Variants in CDH13 observed in about 807,000 individuals in gnomAD.
CDH13 encodes the protein cadherin 13, also known as cadherin-13.
Under a neutral mutation model 63.8 loss-of-function variants are expected in CDH13, and 24 were observed. That is an observed-to-expected ratio of 0.38 (90% CI 0.27 to 0.53). The LOEUF (loss-of-function observed/expected upper bound fraction) is 0.53, where lower values mean the gene tolerates loss of function less well. CDH13 is among the 20% of genes least tolerant of loss of function. The pLI is 0.85. For missense variants in CDH13, 1,049 were observed against 903.1 expected (o/e 1.16, Z -2.07); for synonymous variants, 503 against 355.3 (o/e 1.42, Z -4.67).
At chr16:83,095,369 T>A (rs2034142033) in intron 3 of CDH13, among the ~76,000 whole-genome samples, 1 of 152,174 alleles carries the variant, frequency 6.6e-6, no homozygotes, top group Non-Finnish European at 1.5e-5. Context: ...AACAAAAAAC[T>A]TACTAAATGC....
At chr16:83,500,351 C>T (rs752217180) in intron 7 of CDH13, among the ~76,000 whole-genome samples, 83 of 540 alleles carry the variant, frequency 0.15, 40 homozygotes, top group East Asian at 1. Context: ...CCTCCTCCTC[C>T]TCCTTCTTCC....
intron 2 of CDH13, among the ~76,000 whole-genome samples, chr16:83,011,694 C>T (rs959371055): frequency 2.6e-5 from 4 of 152,268 alleles, no homozygotes; most frequent in South Asian, 2.1e-4. Context: ...ACCACCTTTC[C>T]GGCCCTTTCC....
chr16:82,992,281 C>T (rs867414744), intron 2 of CDH13, among the ~76,000 whole-genome samples: 1 of 152,134 alleles, frequency 6.6e-6, no homozygotes, highest in African/African-American at 2.4e-5. Context: ...ATCAGCAGCT[C>T]TCAAATTTTC....
chr16:83,517,760 G>C (rs949772450), intron 7 of CDH13, among the ~76,000 whole-genome samples: 1 of 152,186 alleles, frequency 6.6e-6, no homozygotes, highest in African/African-American at 2.4e-5. Flanking sequence ...TGTATAAGAA[G>C]ATGATTAGGA....
chr16:83,112,204 T>C (rs1488348298), intron 3 of CDH13, among the ~76,000 whole-genome samples: 2 of 152,384 alleles, frequency 1.3e-5, no homozygotes, highest in East Asian at 3.9e-4. Context: ...CATGCAACCA[T>C]TGTGTATTTG....
chr16:83,309,072 G>C (rs1023551179), intron 5 of CDH13, among the ~76,000 whole-genome samples: 8 of 152,102 alleles, frequency 5.3e-5, no homozygotes, highest in African/African-American at 1.9e-4. Context: ...ACTGTGGCTT[G>C]GTGCTTGTCC....
intron 6 of CDH13, among the ~76,000 whole-genome samples, chr16:83,423,175 G>A (rs923786390): frequency 1.3e-5 from 2 of 152,052 alleles, no homozygotes; most frequent in Non-Finnish European, 1.5e-5. Flanking sequence ...AATCTGTTTT[G>A]TTTTCTTTAT....
chr16:83,596,611 G>C (rs1375578533), intron 7 of CDH13, among the ~76,000 whole-genome samples: 5 of 152,142 alleles, frequency 3.3e-5, no homozygotes, highest in Non-Finnish European at 7.3e-5. Flanking sequence ...AAAAATACAT[G>C]TGTATATTTC....
intron 1 of CDH13, among the ~76,000 whole-genome samples, chr16:82,758,302 C>A (rs951282599): frequency 2.0e-5 from 3 of 152,138 alleles, no homozygotes; most frequent in African/African-American, 7.2e-5. Context: ...AGAAAACTTG[C>A]AACAGCTGGA....
chr16:83,465,657 C>T (rs183252552), intron 6 of CDH13, among the ~76,000 whole-genome samples: 1 of 152,320 alleles, frequency 6.6e-6, no homozygotes, highest in East Asian at 1.9e-4. Flanking sequence ...ATGGAACACT[C>T]AAAGCAGACC....
At chr16:83,673,033 C>T (rs1261660954) in intron 9 of CDH13, among the ~76,000 whole-genome samples, 1 of 152,210 alleles carries the variant, frequency 6.6e-6, no homozygotes, top group Non-Finnish European at 1.5e-5. Flanking sequence ...GTACTTCGTG[C>T]ATTACTGCTA....
intron 1 of CDH13, among the ~76,000 whole-genome samples, chr16:82,806,771 A>G (rs62036828): frequency 0.11 from 17,027 of 152,208 alleles, 1,291 homozygotes; most frequent in East Asian, 0.33. Flanking sequence ...AGAGTGAAAT[A>G]CAGTCCTGTT....
intron 5 of CDH13, among the ~76,000 whole-genome samples, chr16:83,297,646 A>G (rs1013165435): frequency 2.6e-5 from 4 of 152,178 alleles, no homozygotes; most frequent in African/African-American, 7.2e-5. Context: ...AGTCCTTGAT[A>G]TATGGAAACT....
chr16:82,796,015 C>A (rs545634750), intron 1 of CDH13, among the ~76,000 whole-genome samples: 1 of 150,758 alleles, frequency 6.6e-6, no homozygotes, highest in African/African-American at 2.5e-5. Context: ...TGCTTTTGGG[C>A]CTGGGATACA....
At chr16:82,735,346 G>A (rs957294387) in intron 1 of CDH13, among the ~76,000 whole-genome samples, 2 of 152,190 alleles carry the variant, frequency 1.3e-5, no homozygotes, top group Non-Finnish European at 2.9e-5. Flanking sequence ...ACACCAGACA[G>A]GGCAGATAAG....
In CDH13 at chr16:82,644,285, A is replaced by T. The variant is rs76629061; in HGVS notation, c.45+17148A>T. Among the ~76,000 whole-genome samples, 1,243 of 152,192 alleles carry T rather than the reference A, an allele frequency of 8.2e-3. 17 individuals are homozygous for T. The highest frequency in any genetic ancestry group is 0.027 in the African/African-American group (1,124 of 41,508). ...AAAGGAGCTCCCACTTCTTACATTC[A>T]GTGCTCATCACTCTGCAAATCAAGG... On this transcript the variant is annotated intron_variant, in intron 1 of 13. Transcript: ENST00000567109. The surrounding 1 kb of genome is among the most constrained non-coding windows in gnomAD (Gnocchi z 5.7).
At chr16:83,061,768 C>G (rs2031570797) in intron 3 of CDH13, among the ~76,000 whole-genome samples, 1 of 152,182 alleles carries the variant, frequency 6.6e-6, no homozygotes, top group African/African-American at 2.4e-5. Context: ...AAGCCTCACC[C>G]CAGATACGGC....
chr16:83,646,562 C>T (rs1481761847), intron 8 of CDH13, among the ~76,000 whole-genome samples: 8 of 151,752 alleles, frequency 5.3e-5, no homozygotes, highest in Admixed American at 3.9e-4. Context: ...ATTAGCTGGG[C>T]GTGGTGGCGC....
chr16:82,965,041 A>C (rs574623397), intron 2 of CDH13, among the ~76,000 whole-genome samples: 37 of 152,264 alleles, frequency 2.4e-4, no homozygotes, highest in Admixed American at 5.2e-4. Context: ...CAAAGAAAGC[A>C]GTCTGAGACT....
Sources: allele counts gnomAD v4.1 joint callset (sites outside exome capture counted in the v4.1 genomes callset), GRCh38; gene constraint gnomAD v4.1.1; non-coding constraint Gnocchi (gnomAD v3.1); transcripts MANE v1.5; gene names NCBI Gene and HGNC (gene_info 2026-07-23, HGNC 2026-07-21).